The following SLC4A7 variants were observed in gnomAD, a reference collection of about 807,000 sequenced individuals.
The protein encoded by SLC4A7 is solute carrier family 4 member 7, also known as sodium bicarbonate cotransporter 3.
A neutral mutation model predicts 137.6 loss-of-function variants in SLC4A7; 51 were observed. The observed-to-expected ratio is 0.37, with a 90% confidence interval of 0.30 to 0.47. The LOEUF is 0.47. Ranked by LOEUF, SLC4A7 falls within the 20% of genes least tolerant of loss-of-function variation. SLC4A7 has a pLI of 1.00. For synonymous variants in SLC4A7, 542 were observed against 518.6 expected, an observed-to-expected ratio of 1.05 and a Z score of -0.61; for missense variants, 1,247 against 1,525.4, an observed-to-expected ratio of 0.82 and a Z score of 3.04.
At chr3:27,474,005 T>A (rs980332457) in intron 1 of SLC4A7, among the ~76,000 whole-genome samples, 1 of 152,126 alleles carries the variant, frequency 6.6e-6, no homozygotes, top group African/African-American at 2.4e-5. Flanking sequence ...TATAATTTAT[T>A]ATCGTCCTGC....
chr3:27,390,165 G>T, intron 21 of SLC4A7, 61 bp from the exon 22 acceptor site: 1 of 949,820 alleles, frequency 1.1e-6, no homozygotes, highest in Non-Finnish European at 1.6e-6. Context: ...TTTAGGAGAA[G>T]AATCTATACT....
At chr3:27,470,208 TGCTA>T (rs934175546) in intron 1 of SLC4A7, among the ~76,000 whole-genome samples, 11 of 152,258 alleles carry the variant, frequency 7.2e-5, no homozygotes, top group Non-Finnish European at 1.2e-4. Flanking sequence ...TAAACAGTCT[TGCTA>T]GCTAATTGTA....
At chr3:27,406,897 G>A (rs774660604) in intron 13 of SLC4A7, among the ~76,000 whole-genome samples, 74 of 152,038 alleles carry the variant, frequency 4.9e-4, no homozygotes, top group Non-Finnish European at 2.8e-4. Flanking sequence ...ACTCTAGCCT[G>A]AGTGACACAG....
At chr3:27,449,379 ATTAC>A (rs2057908322) in intron 2 of SLC4A7, among the ~76,000 whole-genome samples, 1 of 149,214 alleles carries the variant, frequency 6.7e-6, no homozygotes, top group African/African-American at 2.4e-5. Flanking sequence ...TTTAGTAACA[ATTAC>A]TTTATAATAA....
intron 1 of SLC4A7, among the ~76,000 whole-genome samples, chr3:27,463,431 T>TA (rs1442238896): frequency 4.0e-5 from 6 of 150,788 alleles, no homozygotes; most frequent in East Asian, 2.0e-4. Flanking sequence ...CTCCGCCTCT[T>TA]AAAAAAAATA....
At chr3:27,472,999 G>C (rs1333540270) in intron 1 of SLC4A7, among the ~76,000 whole-genome samples, 2 of 151,530 alleles carry the variant, frequency 1.3e-5, no homozygotes, top group Non-Finnish European at 2.9e-5. Flanking sequence ...GGAATCGTTT[G>C]AATCTGGGAG....
At chr3:27,443,841 T>G (rs1197162259) in intron 3 of SLC4A7, among the ~76,000 whole-genome samples, 1 of 152,250 alleles carries the variant, frequency 6.6e-6, no homozygotes, top group East Asian at 1.9e-4. Flanking sequence ...TCTGTTGTGA[T>G]TATTTCCTTA....
At chr3:27,420,832 C>T (rs781631655) in intron 9 of SLC4A7, 45 bp from the exon 10 acceptor site, 1 of 1,262,852 alleles carries the variant, frequency 7.9e-7, no homozygotes, top group Admixed American at 1.8e-5. Flanking sequence ...ACATCATACA[C>T]CCACAAAGCT....
chr3:27,451,179 G>A (rs945768724), intron 2 of SLC4A7, among the ~76,000 whole-genome samples: 9 of 151,474 alleles, frequency 5.9e-5, no homozygotes, highest in African/African-American at 1.9e-4. Flanking sequence ...AAAAGTCTTA[G>A]AATATAAATG....
intron 14 of SLC4A7, 43 bp from the exon 15 acceptor site, chr3:27,403,427 A>G (rs768188252): frequency 1.4e-6 from 2 of 1,432,980 alleles, no homozygotes; most frequent in East Asian, 4.6e-5. Flanking sequence ...CATATGTGGA[A>G]TAGTATTTGT....
Position 27,376,717 on chromosome 3 carries a change from C to A in SLC4A7, c.*47G>T. On this transcript the variant is annotated 3_prime_UTR_variant, in exon 26 of 26. Coordinates refer to ENST00000454389, the MANE Select transcript of SLC4A7 (RefSeq NM_001321103.2). ...TATATATAGTGACATGATACGCACACATTACATATGTATATATCTATATGT... is the reference window on the plus strand; with the variant it reads ...TATATATAGTGACATGATACGCACAAATTACATATGTATATATCTATATGT... 1.9e-6 allele frequency: 2 copies of A among 1,071,660 alleles called. No individual in the cohort carries two copies. Among genetic ancestry groups the A allele is most frequent in the Non-Finnish European group, 1.4e-6 (1 of 695,776 alleles). The allele number at this position is 1,071,660 out of a possible 1,614,324, so 66.4% of individuals were successfully genotyped here. A position where few individuals can be genotyped will look rare whatever the true frequency, so the allele number is the denominator to read the frequency against.
At chr3:27,438,421 C>T (rs2056915296) in intron 3 of SLC4A7, among the ~76,000 whole-genome samples, 1 of 152,012 alleles carries the variant, frequency 6.6e-6, no homozygotes. Context: ...AGGAGAATCG[C>T]TTGAACCCAG....
intron 1 of SLC4A7, among the ~76,000 whole-genome samples, chr3:27,479,840 T>C (rs1014963679): frequency 6.6e-6 from 1 of 152,226 alleles, no homozygotes; most frequent in African/African-American, 2.4e-5. Flanking sequence ...CTGTAACTAA[T>C]CTTTAACATT....
chr3:27,423,950 A>G (rs771444555), intron 8 of SLC4A7, 87 bp downstream of exon 8: 19 of 776,208 alleles, frequency 2.4e-5, no homozygotes, highest in Admixed American at 4.4e-5. Context: ...AATTACTATC[A>G]TCAATGTTAA....
rs1156362194 is a variant in SLC4A7, at chr3:27,436,509, G to A, written c.468C>T (p.Asp156=). 1 of 1,612,364 alleles carries A rather than the reference G, an allele frequency of 6.2e-7. No homozygotes were observed. The highest frequency in any genetic ancestry group is 1.7e-5 in the Admixed American group (1 of 59,962). Residue 156 remains aspartate, a synonymous_variant, in exon 5 of 26, where the codon GAC becomes GAT. Coordinates refer to ENST00000454389, the MANE Select transcript of SLC4A7 (RefSeq NM_001321103.2). ...TTGCCACATAAGGTTTACTCCATCG[G>A]TCACCGCCATCTTCAACATCCTCTT... ...KFEEDVEDGG[D]RWSKPYVATL...
At chr3:27,420,113 C>T (rs1178719184) in intron 10 of SLC4A7, among the ~76,000 whole-genome samples, 2 of 151,036 alleles carry the variant, frequency 1.3e-5, no homozygotes, top group South Asian at 2.1e-4. Flanking sequence ...TGCAGTGAGC[C>T]GAGATTGCAC....
chr3:27,448,396 T>C (rs1351718998), intron 3 of SLC4A7, among the ~76,000 whole-genome samples: 3 of 152,052 alleles, frequency 2.0e-5, no homozygotes, highest in South Asian at 4.1e-4. Context: ...AAGGATGGGA[T>C]ACAATGAAGA....
chr3:27,394,707 G>A lies in SLC4A7; in HGVS notation c.2928C>T (p.Val976=). The change falls in exon 20 of 26, where the codon GTC becomes GTT. Residue 976 remains valine (V), a synonymous_variant. Coordinates refer to ENST00000454389, the MANE Select transcript of SLC4A7 (RefSeq NM_001321103.2). The stretch of plus-strand genomic sequence containing the variant: ...CAGCCACAAACCATGGAAGTCCCAT[G>A]ACAGAGCAAACTCCCAACATAACGC... ...MVGVMLGVCS[V]MGLPWFVAAT... 6.2e-7 allele frequency: 1 copy of A among 1,614,152 alleles called. No homozygotes were observed. Among genetic ancestry groups the A allele is most frequent in the Non-Finnish European group, 8.5e-7 (1 of 1,180,020 alleles).
At chr3:27,414,125 C>T (rs966244510) in intron 11 of SLC4A7, among the ~76,000 whole-genome samples, 1 of 152,016 alleles carries the variant, frequency 6.6e-6, no homozygotes, top group African/African-American at 2.4e-5. Context: ...ATTAAAAATA[C>T]AAAAATTAGC....
Sources: allele counts gnomAD v4.1 joint callset (sites outside exome capture counted in the v4.1 genomes callset), GRCh38; gene constraint gnomAD v4.1.1; transcripts MANE v1.5; gene names NCBI Gene and HGNC (gene_info 2026-07-23, HGNC 2026-07-21).